The following ROBO2 variants were observed in gnomAD, a reference collection of about 807,000 sequenced individuals.
The protein encoded by ROBO2 is roundabout guidance receptor 2, also known as roundabout homolog 2.
ROBO2 carries 53 observed loss-of-function variants against 160.8 expected under a neutral mutation model. The observed-to-expected ratio is 0.33, with a 90% CI of 0.26 to 0.41. The LOEUF (loss-of-function observed/expected upper bound fraction) is 0.41. Ranked by LOEUF, ROBO2 falls within the 10% of genes least tolerant of loss-of-function variation. The pLI, the probability that ROBO2 is intolerant of heterozygous loss-of-function variation, is 1.00. For missense variants in ROBO2, 1,577 were observed against 1,722.4 expected (o/e 0.92, Z 1.49); for synonymous variants, 664 against 611.7 (o/e 1.09, Z -1.26).
At chr3:76,077,456 A>C (rs1400233335) in intron 2 of ROBO2, among the ~76,000 whole-genome samples, 1 of 152,088 alleles carries the variant, frequency 6.6e-6, no homozygotes, top group African/African-American at 2.4e-5. Context: ...CCAGGTACTC[A>C]GGAGGCTGAG....
chr3:76,362,349 C>A (rs1480498551), intron 2 of ROBO2, among the ~76,000 whole-genome samples: 2 of 151,994 alleles, frequency 1.3e-5, no homozygotes, highest in Non-Finnish European at 2.9e-5. Context: ...GGGTTACAGA[C>A]CTGGGTTAAG....
At chr3:77,079,479 A>G (rs1174691500) in intron 1 of ROBO2, among the ~76,000 whole-genome samples, 1 of 152,106 alleles carries the variant, frequency 6.6e-6, no homozygotes, top group Non-Finnish European at 1.5e-5. Context: ...ATAAGTGAAT[A>G]TTTCTATTTG....
At chr3:76,407,795 C>G (rs568739190) in intron 2 of ROBO2, among the ~76,000 whole-genome samples, 1 of 152,078 alleles carries the variant, frequency 6.6e-6, no homozygotes, top group African/African-American at 2.4e-5. Flanking sequence ...TCAGCAGAAC[C>G]CTTTTAGGAA....
intron 2 of ROBO2, among the ~76,000 whole-genome samples, chr3:76,823,703 A>G (rs1470824858): frequency 6.6e-6 from 1 of 152,174 alleles, no homozygotes; most frequent in African/African-American, 2.4e-5. Context: ...AAAGCCCAAG[A>G]CCATGTTTTA....
rs543729690 is a variant in ROBO2, at chr3:76,275,057, C to A, written c.109+337455C>A. 2.8e-3 allele frequency among the ~76,000 whole-genome samples: 432 copies of A among 152,196 alleles called. 4 individuals are homozygous for A. Among genetic ancestry groups the A allele is most frequent in the African/African-American group, 9.7e-3 (404 of 41,532 alleles). Reference sequence around the variant, plus strand: ...TTAATATAATAAATAACTGCCCCAACTCACCACATTTTAGATGGAAAAAGT... The same window carrying A: ...TTAATATAATAAATAACTGCCCCAAATCACCACATTTTAGATGGAAAAAGT... On this transcript the variant is annotated intron_variant, in intron 2 of 26. Transcript: ENST00000487694.
chr3:76,563,996 A>C (rs1311032516), intron 2 of ROBO2, among the ~76,000 whole-genome samples: 1 of 152,202 alleles, frequency 6.6e-6, no homozygotes, highest in African/African-American at 2.4e-5. Context: ...ACTTGAGTTC[A>C]GGAGTTCGAG....
At chr3:76,125,601 T>A (rs1044590863) in intron 2 of ROBO2, among the ~76,000 whole-genome samples, 24 of 152,078 alleles carry the variant, frequency 1.6e-4, no homozygotes, top group African/African-American at 5.8e-4. Context: ...TAATTAGTGA[T>A]GCTGAGCATT....
intron 2 of ROBO2, among the ~76,000 whole-genome samples, chr3:76,594,171 A>G (rs1362335352): frequency 1.3e-5 from 2 of 152,002 alleles, no homozygotes; most frequent in Non-Finnish European, 2.9e-5. Context: ...GGGAAGAATA[A>G]GCCAATATAA....
chr3:76,477,257 C>T (rs949455025), intron 2 of ROBO2, among the ~76,000 whole-genome samples: 4 of 152,098 alleles, frequency 2.6e-5, no homozygotes, highest in Admixed American at 1.3e-4. Context: ...CTTTCATATT[C>T]GGTTAGACCA....
chr3:76,340,827 C>T (rs1427665041), intron 2 of ROBO2, among the ~76,000 whole-genome samples: 1 of 152,048 alleles, frequency 6.6e-6, no homozygotes, highest in Non-Finnish European at 1.5e-5. Flanking sequence ...AAGAAAGTAA[C>T]CATCAGAGTT....
intron 2 of ROBO2, among the ~76,000 whole-genome samples, chr3:76,698,920 C>A (rs2092989899): frequency 6.6e-6 from 1 of 151,868 alleles, no homozygotes; most frequent in African/African-American, 2.4e-5. Context: ...GTTTTGATGC[C>A]CAGTGCTTAT....
chr3:77,494,286 A>T (rs1335074390), intron 5 of ROBO2, among the ~76,000 whole-genome samples: 2 of 151,994 alleles, frequency 1.3e-5, no homozygotes, highest in African/African-American at 2.4e-5. Context: ...TTTTTAAAAA[A>T]AATTTTTTGG....
intron 2 of ROBO2, among the ~76,000 whole-genome samples, chr3:77,214,158 T>C (rs2084586955): frequency 6.6e-6 from 1 of 152,186 alleles, no homozygotes; most frequent in African/African-American, 2.4e-5. Context: ...CTCGTTTATC[T>C]GTCTAATGTT....
At chr3:76,659,198 C>A (rs2091710982) in intron 2 of ROBO2, among the ~76,000 whole-genome samples, 1 of 151,002 alleles carries the variant, frequency 6.6e-6, no homozygotes, top group African/African-American at 2.4e-5. Flanking sequence ...ATGATCCATG[C>A]CATGATGATT....
At chr3:76,395,569 C>T (rs375668567) in intron 2 of ROBO2, among the ~76,000 whole-genome samples, 25,867 of 145,904 alleles carry the variant, frequency 0.18, 2,635 homozygotes, top group African/African-American at 0.28. Context: ...ATTGATAGAC[C>T]GCTAGCAAGA....
chr3:76,820,120 C>T (rs1307736155), intron 2 of ROBO2, among the ~76,000 whole-genome samples: 1 of 151,984 alleles, frequency 6.6e-6, no homozygotes, highest in Non-Finnish European at 1.5e-5. Context: ...GCCTGTTAAT[C>T]GATTTGTTTC....
At chr3:77,629,743 T>A (rs981944106) in intron 23 of ROBO2, 2 of 152,130 alleles carry the variant, frequency 1.3e-5, no homozygotes, top group Non-Finnish European at 2.9e-5. Flanking sequence ...CTTTCTATAG[T>A]TAAAATAAGG....
rs555337730 is a variant in ROBO2, at chr3:77,640,315, G to C, written c.3935-4389G>C. 2.6e-5 allele frequency among the ~76,000 whole-genome samples: 4 copies of C among 152,094 alleles called. No homozygotes were observed. In the East Asian group the frequency reaches 7.8e-4, roughly 30 times the overall value. On this transcript the variant is annotated intron_variant, in intron 24 of 25. Transcript: ENST00000461745. Reference sequence around the variant, plus strand: ...TTTTTAGTAGAGACGGGGTTTCACTGTGTTAGCCAGGATGGTCTCGATCTC... The same window carrying C: ...TTTTTAGTAGAGACGGGGTTTCACTCTGTTAGCCAGGATGGTCTCGATCTC...
intron 2 of ROBO2, among the ~76,000 whole-genome samples, chr3:77,332,888 C>G (rs2066120137): frequency 6.6e-6 from 1 of 152,180 alleles, no homozygotes; most frequent in South Asian, 2.1e-4. Context: ...AGGTTAAAAA[C>G]AGAGAGCGCT....
Sources: gnomAD v4.1 joint callset for allele counts (sites outside exome capture counted in the v4.1 genomes callset) on GRCh38, gnomAD v4.1.1 for gene constraint, MANE v1.5 for transcripts, NCBI Gene and HGNC (gene_info 2026-07-23, HGNC 2026-07-21) for gene names.